Variants in SPECC1 observed in about 807,000 individuals in gnomAD.
SPECC1 encodes cytospin-B.
A neutral mutation model predicts 104.1 loss-of-function variants in SPECC1; 62 were observed. The ratio of observed to expected loss-of-function variants is 0.60; its 90% CI spans 0.49 to 0.74. SPECC1 has a LOEUF of 0.74. Among genes scored for constraint, SPECC1 ranks in the 30% least tolerant of loss-of-function variants. The pLI is 0.00. For synonymous variants in SPECC1, 513 were observed against 501.6 expected (o/e 1.02, Z -0.30); for missense variants, 1,306 against 1,310.5 (o/e 1.00, Z 0.05).
rs757264965 is a variant in SPECC1 at position 20,296,972 on chromosome 17, C to T, written c.2952C>T (p.Ile984=). 2 of 1,614,056 alleles carry T rather than the reference C, an allele frequency of 1.2e-6. No homozygotes were observed. The highest frequency in any genetic ancestry group is 2.2e-5 in the East Asian group (1 of 44,892). The change falls in exon 13 of 15, where the codon ATC becomes ATT. Residue 984 remains isoleucine, a synonymous_variant. Transcript: ENST00000395527. The part of the protein sequence containing the change: ...KKTQGYANID[I]TNFSSSWSDG... ...TTTCTCTCCTGCAGAACATTGACAT[C>T]ACCAATTTCAGCAGCAGCTGGAGCG...
intron 12 of SPECC1, among the ~76,000 whole-genome samples, chr17:20,269,575 A>C (rs976998132): frequency 6.6e-6 from 1 of 152,162 alleles, no homozygotes; most frequent in Non-Finnish European, 1.5e-5. Context: ...GGCATGTGCC[A>C]CCACACCCAG....
rs747151479 is a variant in SPECC1, at chr17:20,204,423, C to G, written c.374C>G (p.Pro125Arg). 8 of 1,613,948 alleles carry G rather than the reference C, an allele frequency of 5.0e-6. No individual in the cohort carries two copies. Among genetic ancestry groups the G allele is most frequent in the Middle Eastern group, 3.3e-4 (2 of 6,084 alleles). The change falls in exon 4 of 15, where the codon CCC becomes CGC. Residue 125 changes from proline to arginine, a missense_variant. By Grantham distance (103) the Pro-to-Arg change is moderately radical. Coordinates refer to ENST00000395527, the MANE Select transcript of SPECC1 (RefSeq NM_001243439.2). ...VSRERSVPRG[P>R]SNPRKSVSSP... ...AGAGAGAGGTCTGTGCCACGTGGTC[C>G]CTCCAACCCCAGGAAATCAGTGTCC...
At chr17:20,140,889 A>G (rs777124486) in intron 3 of SPECC1, among the ~76,000 whole-genome samples, 35 of 152,238 alleles carry the variant, frequency 2.3e-4, no homozygotes, top group Non-Finnish European at 8.8e-5. Flanking sequence ...TTGAGGGGCC[A>G]AGGGCAACAT....
At chr17:20,140,566 C>T (rs2030651487) in intron 3 of SPECC1, among the ~76,000 whole-genome samples, 1 of 152,168 alleles carries the variant, frequency 6.6e-6, no homozygotes, top group South Asian at 2.1e-4. Context: ...GCAAGTACAA[C>T]TAGCATAAAT....
chr17:20,070,676 T>C (rs2046515629), intron 1 of SPECC1, among the ~76,000 whole-genome samples: 2 of 152,218 alleles, frequency 1.3e-5, no homozygotes, highest in Non-Finnish European at 1.5e-5. Flanking sequence ...TAATCAAGGA[T>C]AAGCTCATCA....
intron 3 of SPECC1, among the ~76,000 whole-genome samples, chr17:20,174,607 T>TC (rs34266086): frequency 6.6e-6 from 1 of 151,890 alleles, no homozygotes; most frequent in Non-Finnish European, 1.5e-5. Flanking sequence ...CATCAGTCTC[T>TC]CCCCCCCATC....
At chr17:20,019,989 T>C (rs1049844649) in intron 1 of SPECC1, among the ~76,000 whole-genome samples, 1 of 152,158 alleles carries the variant, frequency 6.6e-6, no homozygotes, top group Non-Finnish European at 1.5e-5. Flanking sequence ...ATACCCCATG[T>C]CTCCCTGCAG....
At chr17:20,069,732 T>G (rs1219617829) in intron 1 of SPECC1, among the ~76,000 whole-genome samples, 2 of 152,214 alleles carry the variant, frequency 1.3e-5, no homozygotes, top group African/African-American at 4.8e-5. Context: ...GTTTATTTAC[T>G]TGACTTCTTT....
At chr17:20,277,722 CG>C (rs2040620313) in intron 12 of SPECC1, among the ~76,000 whole-genome samples, 1 of 152,212 alleles carries the variant, frequency 6.6e-6, no homozygotes, top group African/African-American at 2.4e-5. Context: ...GCTTTAAACA[CG>C]GGGTAGGGGA....
chr17:20,021,496 C>G (rs2044371917), intron 1 of SPECC1, among the ~76,000 whole-genome samples: 1 of 151,724 alleles, frequency 6.6e-6, no homozygotes, highest in South Asian at 2.1e-4. Context: ...GTACATGTCT[C>G]CTTATGGACT....
At chr17:20,144,857 C>T (rs1320745144) in intron 3 of SPECC1, among the ~76,000 whole-genome samples, 1 of 152,162 alleles carries the variant, frequency 6.6e-6, no homozygotes, top group Admixed American at 6.5e-5. Flanking sequence ...GGATGGATCA[C>T]CTAATGAATC....
chr17:20,107,735 A>G (rs1279773072), intron 2 of SPECC1, among the ~76,000 whole-genome samples: 2 of 152,100 alleles, frequency 1.3e-5, no homozygotes, highest in African/African-American at 4.8e-5. Context: ...CATGTTGACA[A>G]GGCTTGTCTC....
intron 3 of SPECC1, among the ~76,000 whole-genome samples, chr17:20,116,391 A>G (rs778540847): frequency 6.6e-6 from 1 of 152,298 alleles, no homozygotes; most frequent in Non-Finnish European, 1.5e-5. Context: ...ACCGGCCATC[A>G]GTAGCTTTCT....
intron 1 of SPECC1, among the ~76,000 whole-genome samples, chr17:20,050,111 C>A (rs2045684031): frequency 6.6e-6 from 1 of 152,238 alleles, no homozygotes; most frequent in Non-Finnish European, 1.5e-5. Context: ...GCCACCGCCC[C>A]TGGCCAATTT....
intron 3 of SPECC1, among the ~76,000 whole-genome samples, chr17:20,175,771 G>A (rs997186156): frequency 7.9e-5 from 12 of 152,212 alleles, no homozygotes; most frequent in Admixed American, 6.5e-4. Context: ...CTGTAGCTCA[G>A]GTCCCTAGGG....
At chr17:20,025,889 C>T (rs932454272) in intron 1 of SPECC1, among the ~76,000 whole-genome samples, 6 of 152,086 alleles carry the variant, frequency 3.9e-5, no homozygotes, top group Non-Finnish European at 8.8e-5. Flanking sequence ...CCTTTTTATT[C>T]TAGCCATCCT....
intron 1 of SPECC1, among the ~76,000 whole-genome samples, chr17:20,077,668 T>C (rs960796349): frequency 6.6e-6 from 1 of 152,080 alleles, no homozygotes; most frequent in Non-Finnish European, 1.5e-5. Flanking sequence ...GGTTTTGCAA[T>C]GTTGGCCAGG....
intron 3 of SPECC1, among the ~76,000 whole-genome samples, chr17:20,182,117 TTC>T (rs1597902785): frequency 4.7e-5 from 4 of 85,488 alleles, no homozygotes; most frequent in East Asian, 5.6e-4. Context: ...TTCTTTCTTT[TTC>T]TTTTTTTTTT....
rs556457941 is a variant in SPECC1, at chr17:20,242,018, C to T, written c.2352-3908C>T. On this transcript the variant is annotated intron_variant, in intron 7 of 14. Coordinates refer to ENST00000395527, the MANE Select transcript of SPECC1 (RefSeq NM_001243439.2). ...TTGTTCAGGTGTTCAGTAAAGAGACCGGCAGGCGTGAGCATGTGGTTGACA... is the reference window on the plus strand; with the variant it reads ...TTGTTCAGGTGTTCAGTAAAGAGACTGGCAGGCGTGAGCATGTGGTTGACA... Among the ~76,000 whole-genome samples the T allele has an allele frequency of 7.0e-4, 107 of 152,202 alleles. 4 individuals are homozygous for T. The South Asian group carries it at 0.021, about 30-fold the overall frequency.
Sources: allele counts gnomAD v4.1 joint callset (sites outside exome capture counted in the v4.1 genomes callset), GRCh38; gene constraint gnomAD v4.1.1; transcripts MANE v1.5; gene names NCBI Gene and HGNC (gene_info 2026-07-23, HGNC 2026-07-21).